The following ZFP2 variants were observed in gnomAD, a reference collection of about 807,000 sequenced individuals.
ZFP2 encodes ZFP2 zinc finger protein.
ZFP2 carries 33 observed loss-of-function variants against 36.1 expected under a neutral mutation model. The observed-to-expected ratio is 0.92, with a 90% CI of 0.69 to 1.22. The LOEUF (loss-of-function observed/expected upper bound fraction) is 1.22. Among genes scored for constraint, ZFP2 ranks in the 50% most tolerant of loss-of-function variants. ZFP2 has a pLI of 0.00. For missense variants in ZFP2, 522 were observed against 551.4 expected, an observed-to-expected ratio of 0.95 and a Z score of 0.53; for synonymous variants, 170 against 178.0, an observed-to-expected ratio of 0.96 and a Z score of 0.36.
chr5:178,912,707 C>G lies in ZFP2; in HGVS notation c.-326C>G. 1 of 1,064,030 alleles carries G rather than the reference C, an allele frequency of 9.4e-7. No individual in the cohort carries two copies. Among genetic ancestry groups the G allele is most frequent in the South Asian group, 3.5e-5 (1 of 28,344 alleles). The allele number at this position is 1,064,030 out of a possible 1,614,324, so 65.9% of individuals were successfully genotyped here. On this transcript the variant is annotated 5_prime_UTR_variant, in exon 2 of 5. Coordinates refer to ENST00000361362, the MANE Select transcript of ZFP2 (RefSeq NM_030613.4). ...GGTGATGCTGGAGAACTACAGGAACCCGGTCTCACTGGGTAAGGACTTCTT... is the reference window on the plus strand; with the variant it reads ...GGTGATGCTGGAGAACTACAGGAACGCGGTCTCACTGGGTAAGGACTTCTT...
chr5:178,931,873 A>C lies in ZFP2; in HGVS notation c.560A>C (p.Gln187Pro), dbSNP rs1256549289. Residue 187 changes from glutamine (Q) to proline (P), a missense_variant, in exon 5 of 5, where the codon CAG becomes CCG. Transcript: ENST00000361362. ...ACTCACACCGGAGAGAAACCCTATC[A>C]GTGTAAAGAGTGTGGCAAAGCCTTC... ...QRTHTGEKPY[Q>P]CKECGKAFHK... is the part of the protein sequence containing the mutation. The C allele has an allele frequency of 6.2e-7, 1 of 1,612,856 alleles. No homozygotes were observed. The highest frequency in any genetic ancestry group is 8.5e-7 in the Non-Finnish European group (1 of 1,178,996).
At chr5:178,909,490 GC>G (rs1758243683) in intron 1 of ZFP2, among the ~76,000 whole-genome samples, 2 of 152,130 alleles carry the variant, frequency 1.3e-5, no homozygotes, top group Admixed American at 1.3e-4. Context: ...ACTAGCATTG[GC>G]CCCCTGGTCC....
At chr5:178,930,314 C>T (rs1581844634) in intron 4 of ZFP2, among the ~76,000 whole-genome samples, 5 of 71,366 alleles carry the variant, frequency 7.0e-5, no homozygotes, top group Non-Finnish European at 4.9e-5. Context: ...TTTCCCTTTC[C>T]TTTTTTTTTT....
intron 1 of ZFP2, among the ~76,000 whole-genome samples, chr5:178,907,440 C>A (rs912792551): frequency 1.3e-5 from 2 of 151,318 alleles, no homozygotes; most frequent in African/African-American, 4.9e-5. Flanking sequence ...CACATTACCC[C>A]ACATGAGCCT....
At chr5:178,903,135 A>G (rs1758093797) in intron 1 of ZFP2, among the ~76,000 whole-genome samples, 1 of 152,226 alleles carries the variant, frequency 6.6e-6, no homozygotes, top group Non-Finnish European at 1.5e-5. Flanking sequence ...GTAATTGTCA[A>G]CTAGATGTGT....
chr5:178,913,136 T>G (rs1758331580), intron 3 of ZFP2, 65 bp downstream of exon 3: 1 of 902,748 alleles, frequency 1.1e-6, no homozygotes, highest in Non-Finnish European at 1.3e-6. Context: ...CTTCAGAGAT[T>G]GTTGGGTCTC....
Position 178,932,969 on chromosome 5 carries a change from C to A in ZFP2, c.*270C>A. 2.9e-6 allele frequency: 1 copy of A among 341,078 alleles called. No individual in the cohort carries two copies. Among genetic ancestry groups the A allele is most frequent in the Non-Finnish European group, 5.5e-6 (1 of 180,708 alleles). The allele number at this position is 341,078 out of a possible 1,614,324, so 21.1% of individuals were successfully genotyped here. The stretch of plus-strand genomic sequence containing the variant: ...TGAAGATAAGTTCTGTTATATCATA[C>A]CGCACATTCTCCTTTGGCTATCAGA... On this transcript the variant is annotated 3_prime_UTR_variant, in exon 5 of 5. Coordinates refer to ENST00000361362, the MANE Select transcript of ZFP2 (RefSeq NM_030613.4).
At chr5:178,927,896 A>G (rs1189976549) in intron 4 of ZFP2, among the ~76,000 whole-genome samples, 1 of 151,528 alleles carries the variant, frequency 6.6e-6, no homozygotes, top group African/African-American at 2.4e-5. Context: ...GCTGTACGGG[A>G]AGCATTAGTG....
chr5:178,909,903 C>G lies in ZFP2; in HGVS notation c.-449-2681C>G, dbSNP rs139801599. On this transcript the variant is annotated intron_variant, in intron 1 of 4. Transcript: ENST00000361362. ...GTTAAGGAACATGTTCCAAGAGTCC[C>G]GGGAGATGCCCTTGATCCTCAAGGG... 5.2e-6 allele frequency: 8 copies of G among 1,526,072 alleles called. No individual in the cohort carries two copies. In the Admixed American group the frequency reaches 8.5e-5, roughly 16 times the overall value. The allele number at this position is 1,526,072 out of a possible 1,614,324, so 94.5% of individuals were successfully genotyped here. A position where few individuals can be genotyped will look rare whatever the true frequency, so the allele number is the denominator to read the frequency against.
chr5:178,908,460 A>AG (rs199922958), intron 1 of ZFP2, among the ~76,000 whole-genome samples: 1 of 150,812 alleles, frequency 6.6e-6, no homozygotes, highest in Non-Finnish European at 1.5e-5. Flanking sequence ...AAAAAAAAAA[A>AG]TTATTACAAC....
intron 4 of ZFP2, among the ~76,000 whole-genome samples, chr5:178,929,566 C>T (rs1414093105): frequency 6.6e-6 from 1 of 152,182 alleles, no homozygotes; most frequent in Non-Finnish European, 1.5e-5. Flanking sequence ...ATGACCTTTG[C>T]TGCAGTTCCC....
intron 4 of ZFP2, among the ~76,000 whole-genome samples, chr5:178,919,018 T>C (rs1758495571): frequency 6.6e-6 from 1 of 152,170 alleles, no homozygotes; most frequent in Non-Finnish European, 1.5e-5. Flanking sequence ...AATTAAAAAT[T>C]TCCCCCCATC....
Position 178,912,644 on chromosome 5 carries a change from C to G in ZFP2, c.-389C>G. 1.9e-6 allele frequency: 2 copies of G among 1,055,884 alleles called. No homozygotes were observed. The highest frequency in any genetic ancestry group is 2.3e-6 in the Non-Finnish European group (2 of 860,458). The allele number at this position is 1,055,884 out of a possible 1,614,324, so 65.4% of individuals were successfully genotyped here. A position where few individuals can be genotyped will look rare whatever the true frequency, so the allele number is the denominator to read the frequency against. On this transcript the variant is annotated 5_prime_UTR_variant, in exon 2 of 5. Coordinates refer to ENST00000361362, the MANE Select transcript of ZFP2 (RefSeq NM_030613.4). ...AGATTTCTCTTGGGAAGAGTGGATT[C>G]AAGCAGATTCTGCTCAGAGGATGAC...
chr5:178,915,014 G>A (rs559738127), intron 3 of ZFP2, among the ~76,000 whole-genome samples: 3 of 152,218 alleles, frequency 2.0e-5, no homozygotes, highest in South Asian at 4.1e-4. Flanking sequence ...TTAAATTTCT[G>A]TGAGCCACTC....
chr5:178,900,361 G>C (rs1200976387), intron 1 of ZFP2, among the ~76,000 whole-genome samples: 2 of 124,600 alleles, frequency 1.6e-5, no homozygotes, highest in Non-Finnish European at 3.3e-5. Flanking sequence ...CAGTGTCCTC[G>C]TGCTACTTCT....
At chr5:178,897,395 CTG>C (rs1160363886) in intron 1 of ZFP2, among the ~76,000 whole-genome samples, 3 of 152,190 alleles carry the variant, frequency 2.0e-5, no homozygotes, top group African/African-American at 7.2e-5. Context: ...TGTTTCCTGA[CTG>C]TGCAGAAACG....
In ZFP2 at chr5:178,916,671, A is replaced by G. The variant is rs1255726587; in HGVS notation, c.-117A>G. On this transcript the variant is annotated 5_prime_UTR_variant, in exon 4 of 5. Coordinates refer to ENST00000361362, the MANE Select transcript of ZFP2 (RefSeq NM_030613.4). Reference sequence around the variant, plus strand: ...ACTGAGTGCTGTGCTCAGCTCTTCCACAGCCAGCATCTCACTTACTTGACA... The same window carrying G: ...ACTGAGTGCTGTGCTCAGCTCTTCCGCAGCCAGCATCTCACTTACTTGACA... 1 of 985,376 alleles carries G rather than the reference A, an allele frequency of 1.0e-6. No homozygotes were observed. Among genetic ancestry groups the G allele is most frequent in the Non-Finnish European group, 1.2e-6 (1 of 829,962 alleles). 61.0% of individuals were successfully genotyped at this position (985,376 alleles called of 1,614,324 possible). A position where few individuals can be genotyped will look rare whatever the true frequency, so the allele number is the denominator to read the frequency against.
chr5:178,922,531 G>C, intron 4 of ZFP2: 1 of 1,405,530 alleles, frequency 7.1e-7, no homozygotes. Context: ...ATAGTCTCCA[G>C]ATCACTGCAA....
At chr5:178,914,547 A>G (rs147096759) in intron 3 of ZFP2, among the ~76,000 whole-genome samples, 61 of 152,292 alleles carry the variant, frequency 4.0e-4, no homozygotes, top group African/African-American at 1.3e-3. Flanking sequence ...TTATTCAACA[A>G]ATATCTATTG....
Sources: allele counts gnomAD v4.1 joint callset (sites outside exome capture counted in the v4.1 genomes callset), GRCh38; gene constraint gnomAD v4.1.1; transcripts MANE v1.5; gene names NCBI Gene and HGNC (gene_info 2026-07-23, HGNC 2026-07-21).